The following GPHN variants were observed in gnomAD, a reference collection of about 807,000 sequenced individuals.
GPHN encodes gephyrin.
In GPHN, 17 loss-of-function variants were observed where a neutral mutation model predicts 95.5. The ratio of observed to expected loss-of-function variants is 0.18; its 90% confidence interval spans 0.12 to 0.27. GPHN has a LOEUF of 0.27. Among genes scored for constraint, GPHN ranks in the 10% least tolerant of loss-of-function variants. The pLI is 1.00. For synonymous variants in GPHN, 320 were observed against 322.5 expected, an observed-to-expected ratio of 0.99 and a Z score of 0.08; for missense variants, 660 against 978.1, an observed-to-expected ratio of 0.67 and a Z score of 4.34.
chr14:67,711,030 C>A, the GPHN span, among the ~76,000 whole-genome samples: 97 of 152,260 alleles, frequency 6.4e-4, no homozygotes, highest in African/African-American at 2.3e-3. Context: ...TCAAACTGTC[C>A]TTGTTCATTC....
the GPHN span, chr14:67,557,164 G>T: frequency 1.2e-6 from 1 of 837,266 alleles, no homozygotes; most frequent in Non-Finnish European, 1.9e-6. Context: ...CTGTGCCTGG[G>T]AGTCACAGCC....
intron 9 of GPHN, among the ~76,000 whole-genome samples, chr14:67,004,181 A>G (rs2072440804): frequency 6.6e-6 from 1 of 151,808 alleles, no homozygotes. Flanking sequence ...TTTACTTTTT[A>G]CATGAAAATT....
At chr14:66,770,056 T>G (rs1360485465) in intron 2 of GPHN, among the ~76,000 whole-genome samples, 1 of 152,244 alleles carries the variant, frequency 6.6e-6, no homozygotes, top group Non-Finnish European at 1.5e-5. Context: ...ATTATGGTTT[T>G]GATTTGCATC....
rs534606097 is a variant in GPHN, at chr14:66,610,767, G to A, written c.65-70340G>A. Among the ~76,000 whole-genome samples the A allele has an allele frequency of 8.7e-4, 132 of 152,200 alleles. 1 individual carries two copies. The highest frequency in any genetic ancestry group is 2.7e-3 in the South Asian group (13 of 4,820). On this transcript the variant is annotated intron_variant, in intron 1 of 22. Coordinates refer to ENST00000478722, the MANE Select transcript of GPHN (RefSeq NM_020806.5). The stretch of plus-strand genomic sequence containing the variant: ...CTCACAATACAACATGGGCAAGTGG[G>A]AATTTATAGCCAATGAGAAGGGATG...
chr14:66,784,773 T>C (rs2059714297), intron 3 of GPHN, among the ~76,000 whole-genome samples: 2 of 152,102 alleles, frequency 1.3e-5, no homozygotes, highest in African/African-American at 4.8e-5. Flanking sequence ...TTCTAAAAAG[T>C]GTTTAAGTGA....
At chr14:66,850,963 C>T (rs1295652195) in intron 4 of GPHN, among the ~76,000 whole-genome samples, 1 of 151,586 alleles carries the variant, frequency 6.6e-6, no homozygotes, top group African/African-American at 2.4e-5. Context: ...TTAATATAAT[C>T]ACATTTTGTT....
At chr14:67,598,285 G>C in the GPHN span, among the ~76,000 whole-genome samples, 19 of 152,146 alleles carry the variant, frequency 1.2e-4, no homozygotes, top group East Asian at 3.9e-4. Flanking sequence ...GTACTTGATG[G>C]GGGTAAGCAG....
chr14:67,579,130 T>C, the GPHN span: 1 of 1,504,724 alleles, frequency 6.6e-7, no homozygotes. Flanking sequence ...TTCCGTCTTT[T>C]TAGAAGTGAA....
chr14:66,545,718 G>A (rs1594901749), intron 1 of GPHN, among the ~76,000 whole-genome samples: 1 of 140,278 alleles, frequency 7.1e-6, no homozygotes, highest in African/African-American at 2.7e-5. Context: ...CGGACGGGGT[G>A]GCTGGCCGGG....
chr14:66,932,482 A>C (rs1363047839), intron 8 of GPHN, among the ~76,000 whole-genome samples: 2 of 25,126 alleles, frequency 8.0e-5, no homozygotes, highest in African/African-American at 1.5e-4. Flanking sequence ...TTTTTTTTTC[A>C]GTGCAGCAGG....
intron 10 of GPHN, among the ~76,000 whole-genome samples, chr14:67,039,271 C>A (rs1348146063): frequency 6.6e-6 from 1 of 152,154 alleles, no homozygotes; most frequent in Non-Finnish European, 1.5e-5. Context: ...TCTCCAGTTT[C>A]ATATGTTCTT....
In GPHN at chr14:66,859,980, A is replaced by G. The variant is rs139941659; in HGVS notation, c.295-19959A>G. Among the ~76,000 whole-genome samples the G allele has an allele frequency of 1.8e-4, 28 of 152,278 alleles. No individual in the cohort carries two copies. In the East Asian group the frequency reaches 5.0e-3, roughly 27 times the overall value. Reference sequence around the variant, plus strand: ...TGAGGTATGCCTACAAAATGTAGAAAATAGGCTCAAAAGGGTAAATCTAAG... The same window carrying G: ...TGAGGTATGCCTACAAAATGTAGAAGATAGGCTCAAAAGGGTAAATCTAAG... On this transcript the variant is annotated intron_variant, in intron 4 of 22. Transcript: ENST00000478722.
At chr14:67,689,451 C>G in the GPHN span, among the ~76,000 whole-genome samples, 2 of 152,138 alleles carry the variant, frequency 1.3e-5, no homozygotes, top group East Asian at 3.9e-4. Flanking sequence ...TTATTTGATG[C>G]TTTGCAAGGG....
intron 3 of GPHN, among the ~76,000 whole-genome samples, chr14:66,811,203 A>G (rs1173297644): frequency 6.6e-6 from 1 of 152,188 alleles, no homozygotes; most frequent in Non-Finnish European, 1.5e-5. Context: ...TATGTTCATT[A>G]CTTGGGCAAT....
At chr14:67,515,505 G>A in the GPHN span, 1 of 156,738 alleles carries the variant, frequency 6.4e-6, no homozygotes, top group Non-Finnish European at 1.4e-5. Context: ...TCGCCCTGCC[G>A]CCCGGCTTAA....
chr14:67,521,811 C>T, the GPHN span, among the ~76,000 whole-genome samples: 1 of 152,200 alleles, frequency 6.6e-6, no homozygotes. Context: ...ATTGAAACCA[C>T]ATCACCTCAT....
intron 9 of GPHN, among the ~76,000 whole-genome samples, chr14:66,968,519 T>G (rs540700595): frequency 2.0e-5 from 3 of 152,238 alleles, no homozygotes; most frequent in South Asian, 2.1e-4. Flanking sequence ...TGCACAGAAA[T>G]GTATGTGCAA....
At chr14:66,803,898 T>C (rs994457195) in intron 3 of GPHN, among the ~76,000 whole-genome samples, 1 of 152,158 alleles carries the variant, frequency 6.6e-6, no homozygotes, top group Admixed American at 6.5e-5. Context: ...TGATATTCTG[T>C]ACCATTTCAT....
the GPHN span, chr14:67,359,905 C>T: frequency 5.1e-6 from 3 of 589,208 alleles, no homozygotes; most frequent in African/African-American, 3.8e-5. Context: ...AGAACAGAGG[C>T]GTTGCCCGGA....
Sources: gnomAD v4.1 joint callset for allele counts (sites outside exome capture counted in the v4.1 genomes callset) on GRCh38, gnomAD v4.1.1 for gene constraint, MANE v1.5 for transcripts, NCBI Gene and HGNC (gene_info 2026-07-23, HGNC 2026-07-21) for gene names.